Variants in PLAAT3 observed in about 807,000 individuals in gnomAD.
PLAAT3 encodes Ca-independent phospholipase A1/2.
A neutral mutation model predicts 16.7 loss-of-function variants in PLAAT3; 21 were observed. The ratio of observed to expected loss-of-function variants is 1.26; its 90% confidence interval spans 0.89 to 1.81. PLAAT3 has a LOEUF of 1.81. Ranked by LOEUF, PLAAT3 falls within the 40% of genes most tolerant of loss-of-function variation. The pLI, the probability that PLAAT3 is intolerant of heterozygous loss-of-function variation, is 0.00. For synonymous variants in PLAAT3, 76 were observed against 81.7 expected, an observed-to-expected ratio of 0.93 and a Z score of 0.38; for missense variants, 219 against 213.7, an observed-to-expected ratio of 1.02 and a Z score of -0.16.
Position 63,590,190 on chromosome 11 carries a change from C to T in PLAAT3, c.297G>A (p.Leu99=), listed in dbSNP as rs542779152. 21 of 1,614,226 alleles carry T rather than the reference C, an allele frequency of 1.3e-5. No homozygotes were observed. The African/African-American group carries it at 2.4e-4, about 18-fold the overall frequency. ...CSKIIQRAEE[L]VGQEVLYKLT... is the part of the protein sequence containing the mutation. ...GCTTGTAGAGCACCTCCTGCCCCAC[C>T]AGCTCCTCCGCCCGCTGGATGATTT... Residue 99 remains leucine, a synonymous_variant, in exon 4 of 5, where the codon CTG becomes CTA. Transcript: ENST00000415826.
intron 3 of PLAAT3, among the ~76,000 whole-genome samples, chr11:63,590,710 G>C (rs1938131379): frequency 1.3e-5 from 2 of 152,300 alleles, no homozygotes; most frequent in South Asian, 4.1e-4. Context: ...AGATAAGGTG[G>C]GAGACTTTTA....
intron 4 of PLAAT3, among the ~76,000 whole-genome samples, chr11:63,578,956 T>A (rs1453877490): frequency 2.0e-5 from 3 of 151,064 alleles, no homozygotes; most frequent in Non-Finnish European, 4.4e-5. Context: ...TGGGAGAAAA[T>A]TTTTCCAATC....
chr11:63,610,685 A>T (rs1938670575), intron 2 of PLAAT3, among the ~76,000 whole-genome samples: 1 of 152,362 alleles, frequency 6.6e-6, no homozygotes, highest in East Asian at 1.9e-4. Context: ...ATCACAGAGC[A>T]GTCAATGACG....
At chr11:63,615,046 A>ATATGTGTG (rs1555047788), upstream of PLAAT3, among the ~76,000 whole-genome samples, 1 of 13,304 alleles carries the variant, frequency 7.5e-5, no homozygotes, top group African/African-American at 8.4e-5. Flanking sequence ...ATATATGTAT[A>ATATGTGTG]TATATGTGTA....
chr11:63,614,202 T>G, intron 1 of PLAAT3, 134 bp from the exon 2 acceptor site: 1 of 711,708 alleles, frequency 1.4e-6, no homozygotes, highest in Non-Finnish European at 2.3e-6. Flanking sequence ...CTCGCTCCCT[T>G]TAACAACTTT....
intron 2 of PLAAT3, among the ~76,000 whole-genome samples, chr11:63,613,103 T>C (rs1005686073): frequency 6.6e-6 from 1 of 152,056 alleles, no homozygotes; most frequent in South Asian, 2.1e-4. Flanking sequence ...ACTTTCTGAG[T>C]ATTAAGTGAT....
At chr11:63,577,050 A>G (rs2017672142) in intron 4 of PLAAT3, among the ~76,000 whole-genome samples, 1 of 152,270 alleles carries the variant, frequency 6.6e-6, no homozygotes, top group Middle Eastern at 3.2e-3. Context: ...TAGGGCAACA[A>G]CATTTAACAA....
chr11:63,598,117 T>C lies in PLAAT3; in HGVS notation c.62A>G (p.Tyr21Cys), dbSNP rs372625520. ...GDLIEIFRPF[Y>C]RHWAIYVGDG... ...GCCAACATAGATGGCCCAGTGTCTG[T>C]AGAAAGGGCGAAAAATCTCAATCAG... Residue 21 changes from tyrosine (Y) to cysteine (C), a missense_variant, in exon 3 of 5, where the codon TAC becomes TGC. Transcript: ENST00000415826. The C allele has an allele frequency of 1.2e-5, 20 of 1,613,946 alleles. No homozygotes were observed. In the African/African-American group the frequency reaches 1.3e-4, roughly 11 times the overall value.
chr11:63,593,393 G>A (rs1197586345), intron 3 of PLAAT3, among the ~76,000 whole-genome samples: 1 of 152,208 alleles, frequency 6.6e-6, no homozygotes, highest in Non-Finnish European at 1.5e-5. Flanking sequence ...CAGGAATGAA[G>A]TCTGCAGGGA....
chr11:63,577,593 A>C (rs1937650905), intron 4 of PLAAT3, among the ~76,000 whole-genome samples: 1 of 152,246 alleles, frequency 6.6e-6, no homozygotes, highest in Non-Finnish European at 1.5e-5. Flanking sequence ...CTATATCTAG[A>C]AAAGAAAACA....
chr11:63,605,440 C>T (rs12282263), intron 2 of PLAAT3, among the ~76,000 whole-genome samples: 3,921 of 152,196 alleles, frequency 0.026, 148 homozygotes, highest in African/African-American at 0.088. Context: ...TTTTAATGAA[C>T]GTCTGTATAC....
chr11:63,611,228 T>C (rs1487630599), intron 2 of PLAAT3, among the ~76,000 whole-genome samples: 2 of 152,114 alleles, frequency 1.3e-5, no homozygotes, highest in Non-Finnish European at 2.9e-5. Context: ...CACCTTGGCC[T>C]CTCGAAGTGC....
intron 4 of PLAAT3, among the ~76,000 whole-genome samples, chr11:63,587,428 T>C (rs1305989100): frequency 2.0e-5 from 3 of 150,328 alleles, no homozygotes; most frequent in Admixed American, 6.6e-5. Context: ...TTCAAAATTC[T>C]GAAAAAAAAA....
At chr11:63,589,969 T>G in intron 4 of PLAAT3, 131 bp downstream of exon 4, 2 of 695,778 alleles carry the variant, frequency 2.9e-6, no homozygotes, top group Non-Finnish European at 4.4e-6. Flanking sequence ...GTCCCAACTG[T>G]GACATCCTCA....
rs114913346 is a variant in PLAAT3 at position 63,590,070 on chromosome 11, T to C, written c.387+30A>G. ...TCAGCAGAGGGAATGGTCTGGTTCCTGGGGAAGGCGACACAGGCAGAGGAC... is the reference window on the plus strand; with the variant it reads ...TCAGCAGAGGGAATGGTCTGGTTCCCGGGGAAGGCGACACAGGCAGAGGAC... On this transcript the variant is annotated intron_variant, in intron 4 of 4. Transcript: ENST00000415826. 4.9e-3 allele frequency: 7,808 copies of C among 1,603,748 alleles called. 278 individuals are homozygous for C. In the African/African-American group the frequency reaches 0.087, roughly 18 times the overall value.
intron 4 of PLAAT3, among the ~76,000 whole-genome samples, chr11:63,578,530 A>G (rs1377846048): frequency 1.3e-5 from 2 of 152,150 alleles, no homozygotes; most frequent in East Asian, 3.9e-4. Flanking sequence ...AGAGATATAG[A>G]CCAATGGAAC....
chr11:63,594,636 GAA>G (rs1383712484), intron 3 of PLAAT3, among the ~76,000 whole-genome samples: 1 of 152,118 alleles, frequency 6.6e-6, no homozygotes, highest in African/African-American at 2.4e-5. Flanking sequence ...AAAGAAAAAA[GAA>G]AGTGTGGGTA....
rs1354941602 is a variant in PLAAT3 at position 63,574,592 on chromosome 11, C to T, written c.*353G>A. On this transcript the variant is annotated 3_prime_UTR_variant, in exon 5 of 5. Coordinates refer to ENST00000415826, the MANE Select transcript of PLAAT3 (RefSeq NM_001128203.2). ...TTCTGTTCTTGTGTATTATGTCTTT[C>T]TGTCTCCCTTCCGCCCCGCATGTAT... 1 of 205,832 alleles carries T rather than the reference C, an allele frequency of 4.9e-6. No homozygotes were observed. 12.8% of individuals were successfully genotyped at this position (205,832 alleles called of 1,614,324 possible). A position where few individuals can be genotyped will look rare whatever the true frequency, so the allele number is the denominator to read the frequency against.
upstream of PLAAT3, among the ~76,000 whole-genome samples, chr11:63,615,162 A>ATATGTGTG (rs1565259793): frequency 8.4e-4 from 6 of 7,118 alleles, no homozygotes; most frequent in Admixed American, 2.1e-3. Flanking sequence ...ATATATGTGT[A>ATATGTGTG]TATATGTGTG....
Sources: gnomAD v4.1 joint callset for allele counts (sites outside exome capture counted in the v4.1 genomes callset) on GRCh38, gnomAD v4.1.1 for gene constraint, MANE v1.5 for transcripts, NCBI Gene and HGNC (gene_info 2026-07-23, HGNC 2026-07-21) for gene names.